Variants in DTNB observed in about 807,000 individuals in gnomAD.
The protein encoded by DTNB is dystrobrevin beta.
Under a neutral mutation model 90.7 loss-of-function variants are expected in DTNB, and 63 were observed. That is an observed-to-expected ratio of 0.69 (90% CI 0.57 to 0.86). The LOEUF (loss-of-function observed/expected upper bound fraction) is 0.86, where lower values mean the gene tolerates loss of function less well. Ranked by LOEUF, DTNB falls within the 40% of genes least tolerant of loss-of-function variation. The probability of loss-of-function intolerance (pLI) is 0.00; values close to 1 mark genes in which losing one functional copy is unlikely to be tolerated. For missense variants in DTNB, 744 were observed against 807.1 expected, an observed-to-expected ratio of 0.92 and a Z score of 0.95; for synonymous variants, 277 against 286.7, an observed-to-expected ratio of 0.97 and a Z score of 0.34.
Position 25,580,929 on chromosome 2 carries a change from G to A in DTNB, c.604-103C>T, listed in dbSNP as rs531548559. The stretch of plus-strand genomic sequence containing the variant: ...CCATCCAAACTTTAGTGAATTACAC[G>A]GTAAATTTTATAGCAAAATAAAATA... On this transcript the variant is annotated intron_variant, in intron 6 of 20. Transcript: ENST00000406818. 151 of 904,212 alleles carry A rather than the reference G, an allele frequency of 1.7e-4. 1 individual carries two copies. The East Asian group carries it at 2.1e-3, about 13-fold the overall frequency. 56.0% of individuals were successfully genotyped at this position (904,212 alleles called of 1,614,324 possible). A position where few individuals can be genotyped will look rare whatever the true frequency, so the allele number is the denominator to read the frequency against.
At chr2:25,597,264 A>G (rs952374509) in intron 5 of DTNB, among the ~76,000 whole-genome samples, 3 of 151,968 alleles carry the variant, frequency 2.0e-5, no homozygotes, top group African/African-American at 7.3e-5. Context: ...CCAGGAGGTC[A>G]AGACTACAGT....
At chr2:25,632,278 G>T (rs1454461630) in intron 3 of DTNB, among the ~76,000 whole-genome samples, 2 of 149,522 alleles carry the variant, frequency 1.3e-5, no homozygotes, top group Non-Finnish European at 3.0e-5. Flanking sequence ...AAAATCATAT[G>T]AACCATGCTC....
chr2:25,670,947 G>GT (rs1189945089), intron 1 of DTNB, among the ~76,000 whole-genome samples: 1 of 152,160 alleles, frequency 6.6e-6, no homozygotes, highest in Non-Finnish European at 1.5e-5. Context: ...TATCCACACT[G>GT]CATAAGCCAC....
At chr2:25,527,413 C>T (rs1362427191) in intron 9 of DTNB, among the ~76,000 whole-genome samples, 1 of 152,126 alleles carries the variant, frequency 6.6e-6, no homozygotes, top group East Asian at 1.9e-4. Flanking sequence ...GTCCCAGCTA[C>T]TCAGGAGGCT....
At chr2:25,670,473 G>A (rs1047690489) in intron 1 of DTNB, among the ~76,000 whole-genome samples, 1 of 152,226 alleles carries the variant, frequency 6.6e-6, no homozygotes, top group Admixed American at 6.5e-5. Context: ...GTTTCCGTGA[G>A]TAGGTCAAGG....
chr2:25,668,973 T>A (rs2085171738), intron 1 of DTNB, among the ~76,000 whole-genome samples: 1 of 152,228 alleles, frequency 6.6e-6, no homozygotes, highest in Non-Finnish European at 1.5e-5. Context: ...CATGCTACAA[T>A]ATGAATGAAC....
chr2:25,407,389 C>T (rs991125611), intron 16 of DTNB, among the ~76,000 whole-genome samples: 1 of 152,124 alleles, frequency 6.6e-6, no homozygotes, highest in African/African-American at 2.4e-5. Context: ...CAAAAGTAGA[C>T]CTACCATTTG....
intron 16 of DTNB, among the ~76,000 whole-genome samples, chr2:25,413,936 C>T (rs2047235316): frequency 6.6e-6 from 1 of 152,222 alleles, no homozygotes; most frequent in African/African-American, 2.4e-5. Context: ...TCCTCTCCAG[C>T]ACCTGTTGTT....
rs190939502 is a variant in DTNB at position 25,508,507 on chromosome 2, T to G, written c.1001+22966A>C. ...TTTAACATTTCTTTTTTGTTTGTTT[T>G]TTTTTTTTTGAGATGGAGTTTCGCT... On this transcript the variant is annotated intron_variant, in intron 9 of 20. Coordinates refer to ENST00000406818, the MANE Select transcript of DTNB (RefSeq NM_021907.5). Among the ~76,000 whole-genome samples the G allele has an allele frequency of 6.4e-4, 97 of 151,512 alleles. No individual in the cohort carries two copies. The East Asian group carries it at 0.011, about 18-fold the overall frequency.
intron 2 of DTNB, among the ~76,000 whole-genome samples, chr2:25,650,801 A>C (rs2080751882): frequency 6.6e-6 from 1 of 152,164 alleles, no homozygotes; most frequent in Non-Finnish European, 1.5e-5. Context: ...TCTCTACTAA[A>C]AATACAAAAA....
At chr2:25,594,315 A>C (rs1482701931) in intron 6 of DTNB, among the ~76,000 whole-genome samples, 2 of 152,254 alleles carry the variant, frequency 1.3e-5, no homozygotes, top group African/African-American at 4.8e-5. Flanking sequence ...TGAAAGAAAA[A>C]ATAAATAGTG....
chr2:25,671,245 G>A (rs1008250593), intron 1 of DTNB, among the ~76,000 whole-genome samples: 7 of 152,310 alleles, frequency 4.6e-5, no homozygotes, highest in African/African-American at 7.2e-5. Flanking sequence ...ATCCACTGGT[G>A]CTCTTGGAAC....
chr2:25,651,604 T>C (rs927048363), intron 2 of DTNB, among the ~76,000 whole-genome samples: 1 of 152,172 alleles, frequency 6.6e-6, no homozygotes, highest in Non-Finnish European at 1.5e-5. Flanking sequence ...CCCTAACAAA[T>C]AGTTATCCAG....
chr2:25,545,636 T>G (rs1466136593), intron 8 of DTNB, among the ~76,000 whole-genome samples: 4 of 152,166 alleles, frequency 2.6e-5, no homozygotes, highest in African/African-American at 9.7e-5. Context: ...TGAGGAACTT[T>G]ATTGTTTATT....
intron 9 of DTNB, among the ~76,000 whole-genome samples, chr2:25,526,380 TATATATATATATA>T (rs1218342704): frequency 5.7e-5 from 3 of 52,244 alleles, no homozygotes; most frequent in Admixed American, 1.8e-4. Flanking sequence ...TATATATATA[TATATATATATATA>T]TATTTTTTTT....
At chr2:25,385,674 CTAAAG>C (rs1292867258) in intron 18 of DTNB, among the ~76,000 whole-genome samples, 1 of 152,208 alleles carries the variant, frequency 6.6e-6, no homozygotes, top group Non-Finnish European at 1.5e-5. Context: ...GGCTACATCT[CTAAAG>C]TAAGGGACTG....
chr2:25,504,784 T>C (rs2071933309), intron 9 of DTNB, among the ~76,000 whole-genome samples: 1 of 152,200 alleles, frequency 6.6e-6, no homozygotes, highest in African/African-American at 2.4e-5. Flanking sequence ...ATAGCAATAT[T>C]CCCCAAATAG....
intron 1 of DTNB, among the ~76,000 whole-genome samples, chr2:25,659,153 T>C (rs1407626914): frequency 6.6e-6 from 1 of 152,056 alleles, no homozygotes; most frequent in Admixed American, 6.6e-5. Context: ...CCAACAGTAT[T>C]ATATATGTAT....
intron 16 of DTNB, among the ~76,000 whole-genome samples, chr2:25,409,187 A>G (rs2149709502): frequency 6.6e-6 from 1 of 152,382 alleles, no homozygotes; most frequent in Non-Finnish European, 1.5e-5. Context: ...AGGATTTCAA[A>G]GTCAGGAAAG....
Sources: allele counts gnomAD v4.1 joint callset (sites outside exome capture counted in the v4.1 genomes callset), GRCh38; gene constraint gnomAD v4.1.1; transcripts MANE v1.5; gene names NCBI Gene and HGNC (gene_info 2026-07-23, HGNC 2026-07-21).